Variants in TRAPPC9 observed in about 807,000 individuals in gnomAD.
The protein encoded by TRAPPC9 is IKK2 binding protein.
A neutral mutation model predicts 124.0 loss-of-function variants in TRAPPC9; 83 were observed. The ratio of observed to expected loss-of-function variants is 0.67; its 90% CI spans 0.56 to 0.80. TRAPPC9 has a LOEUF of 0.80. Ranked by LOEUF, TRAPPC9 falls within the 30% of genes least tolerant of loss-of-function variation. The probability of loss-of-function intolerance (pLI) is 0.00; values close to 1 mark genes in which losing one functional copy is unlikely to be tolerated. For synonymous variants in TRAPPC9, 638 were observed against 617.5 expected, an observed-to-expected ratio of 1.03 and a Z score of -0.49; for missense variants, 1,302 against 1,508.3, an observed-to-expected ratio of 0.86 and a Z score of 2.27.
chr8:140,270,695 C>T (rs2064850183), intron 15 of TRAPPC9, among the ~76,000 whole-genome samples: 1 of 152,152 alleles, frequency 6.6e-6, no homozygotes, highest in Non-Finnish European at 1.5e-5. Flanking sequence ...GATAAATGCT[C>T]CGGAGCTGAG....
chr8:139,855,911 G>A (rs1446815529), intron 21 of TRAPPC9, among the ~76,000 whole-genome samples: 2 of 152,204 alleles, frequency 1.3e-5, no homozygotes, highest in Admixed American at 6.5e-5. Flanking sequence ...CAGAACTAGG[G>A]GGCAGTGAGG....
At position 140,165,650 on chromosome 8, in the gene TRAPPC9, G is replaced by A. The variant is rs1400777036; in HGVS notation, c.2556+55809C>T. 4.7e-5 allele frequency among the ~76,000 whole-genome samples: 7 copies of A among 148,058 alleles called. No homozygotes were observed. The Admixed American group carries it at 4.7e-4, about 10-fold the overall frequency. On this transcript the variant is annotated intron_variant, in intron 17 of 22. Coordinates refer to ENST00000438773, the MANE Select transcript of TRAPPC9 (RefSeq NM_001160372.4). ...AAGCAAAGGGGAGGGGGGGATGCGGGGAAGGAGGGAAGGGAAGGGAAGAAC... is the reference window on the plus strand; with the variant it reads ...AAGCAAAGGGGAGGGGGGGATGCGGAGAAGGAGGGAAGGGAAGGGAAGAAC...
rs541165210 is a variant in TRAPPC9 at position 139,789,237 on chromosome 8, G to C, written c.3056-57035C>G. The stretch of plus-strand genomic sequence containing the variant: ...TCGGAAGCACACAGCCAGGTGTCTA[G>C]GGTCCCGGGCCCGCACCAAGCTCTG... On this transcript the variant is annotated intron_variant, in intron 21 of 22. Coordinates refer to ENST00000438773, the MANE Select transcript of TRAPPC9 (RefSeq NM_001160372.4). Among the ~76,000 whole-genome samples, 351 of 152,290 alleles carry C rather than the reference G, an allele frequency of 2.3e-3. 3 individuals are homozygous for C. In the South Asian group the frequency reaches 0.032, roughly 14 times the overall value.
intron 2 of TRAPPC9, among the ~76,000 whole-genome samples, chr8:140,440,722 A>G (rs2070983462): frequency 6.6e-6 from 1 of 152,032 alleles, no homozygotes. Flanking sequence ...ATTCAGTCGT[A>G]GGGAGAGGCA....
intron 6 of TRAPPC9, chr8:140,405,376 A>G (rs2069453128): frequency 3.8e-6 from 2 of 531,938 alleles, no homozygotes; most frequent in East Asian, 6.9e-5. Flanking sequence ...TCTTTTCCAA[A>G]TTTATTATAC....
At chr8:140,078,050 C>T (rs1467309364) in intron 17 of TRAPPC9, among the ~76,000 whole-genome samples, 2 of 152,162 alleles carry the variant, frequency 1.3e-5, no homozygotes, top group Non-Finnish European at 2.9e-5. Flanking sequence ...GGCAAACTGT[C>T]TTCAAAGCAT....
intron 17 of TRAPPC9, among the ~76,000 whole-genome samples, chr8:140,026,050 G>A (rs1840128017): frequency 1.3e-5 from 2 of 152,066 alleles, no homozygotes; most frequent in Non-Finnish European, 2.9e-5. Context: ...GCTACTTTTT[G>A]TCTTCCTGAA....
At chr8:140,429,226 T>G (rs1394043679) in intron 4 of TRAPPC9, among the ~76,000 whole-genome samples, 1 of 151,902 alleles carries the variant, frequency 6.6e-6, no homozygotes, top group East Asian at 1.9e-4. Flanking sequence ...GGACTACAGG[T>G]GCGCACCACC....
intron 17 of TRAPPC9, among the ~76,000 whole-genome samples, chr8:140,030,238 C>T (rs997970578): frequency 3.3e-5 from 5 of 152,132 alleles, no homozygotes; most frequent in African/African-American, 1.2e-4. Flanking sequence ...TAAGATGTAG[C>T]TGTAATAATT....
intron 19 of TRAPPC9, chr8:139,932,563 G>C (rs927840915): frequency 8.8e-6 from 4 of 454,038 alleles, no homozygotes; most frequent in African/African-American, 8.0e-5. Context: ...AGGAGTTCGA[G>C]ACCAGCCTGG....
At chr8:140,453,564 A>C (rs1162648492) in intron 1 of TRAPPC9, among the ~76,000 whole-genome samples, 2 of 83,976 alleles carry the variant, frequency 2.4e-5, no homozygotes, top group African/African-American at 8.8e-5. Context: ...ACATGGATAG[A>C]GAAGTATGAA....
In TRAPPC9 at chr8:139,825,967, G is replaced by A. The variant is rs771961864; in HGVS notation, c.3055+59912C>T. 2.0e-5 allele frequency among the ~76,000 whole-genome samples: 3 copies of A among 152,220 alleles called. No individual in the cohort carries two copies. The highest frequency in any genetic ancestry group is 2.9e-5 in the Non-Finnish European group (2 of 68,044). On this transcript the variant is annotated intron_variant, in intron 21 of 22. Coordinates refer to ENST00000438773, the MANE Select transcript of TRAPPC9 (RefSeq NM_001160372.4). The surrounding 1 kb of genome is among the most constrained non-coding windows in gnomAD (Gnocchi z 4.6). ...CCGTGGAACAGGCCATGATGAGGAT[G>A]TGCAACAGCAGGGGAGCTCCAGGGC...
chr8:139,891,499 C>T (rs144075752), intron 20 of TRAPPC9, among the ~76,000 whole-genome samples: 336 of 152,340 alleles, frequency 2.2e-3, no homozygotes, highest in African/African-American at 7.6e-3. Context: ...TCCTCATGCA[C>T]GTGCTCATCC....
intron 17 of TRAPPC9, among the ~76,000 whole-genome samples, chr8:140,062,780 A>G (rs902154350): frequency 2.0e-5 from 3 of 152,078 alleles, no homozygotes; most frequent in African/African-American, 7.2e-5. Flanking sequence ...GCACTCAGAA[A>G]GCTTCTGAGG....
chr8:140,083,254 T>C (rs1843959091), intron 17 of TRAPPC9, among the ~76,000 whole-genome samples: 1 of 152,172 alleles, frequency 6.6e-6, no homozygotes, highest in Non-Finnish European at 1.5e-5. Context: ...ATCCTAATAA[T>C]ATGACCAGGA....
At chr8:139,928,681 C>T (rs1327458499) in intron 19 of TRAPPC9, among the ~76,000 whole-genome samples, 5 of 151,118 alleles carry the variant, frequency 3.3e-5, no homozygotes, top group Non-Finnish European at 2.9e-5. Flanking sequence ...CTGGAGGTGA[C>T]GCATTCTCCA....
At chr8:140,383,921 G>A (rs993081534) in intron 7 of TRAPPC9, among the ~76,000 whole-genome samples, 59 of 152,164 alleles carry the variant, frequency 3.9e-4, no homozygotes, top group Non-Finnish European at 6.6e-4. Context: ...GAGAAAGGTC[G>A]GGTTACCCTC....
chr8:140,063,519 A>G lies in TRAPPC9; in HGVS notation c.2557-39440T>C, dbSNP rs140635229. 2.6e-5 allele frequency among the ~76,000 whole-genome samples: 4 copies of G among 152,280 alleles called. No individual in the cohort carries two copies. The highest frequency in any genetic ancestry group is 5.9e-5 in the Non-Finnish European group (4 of 68,020). On this transcript the variant is annotated intron_variant, in intron 17 of 22. Transcript: ENST00000438773. The surrounding 1 kb of genome is among the most constrained non-coding windows in gnomAD (Gnocchi z 4.3). ...ACTGTGCCTTATCCAAGCCTATACCATAAGAGGCCCAGGAGAAATGTTTGT... is the reference window on the plus strand; with the variant it reads ...ACTGTGCCTTATCCAAGCCTATACCGTAAGAGGCCCAGGAGAAATGTTTGT...
intron 9 of TRAPPC9, among the ~76,000 whole-genome samples, chr8:140,342,025 G>A (rs908081375): frequency 6.6e-6 from 1 of 152,272 alleles, no homozygotes; most frequent in Non-Finnish European, 1.5e-5. Flanking sequence ...GGACAGGAAA[G>A]AAAGGGCGGA....
Sources: gnomAD v4.1 joint callset for allele counts (sites outside exome capture counted in the v4.1 genomes callset) on GRCh38, gnomAD v4.1.1 for gene constraint, Gnocchi (gnomAD v3.1) non-coding constraint, MANE v1.5 for transcripts, NCBI Gene and HGNC (gene_info 2026-07-23, HGNC 2026-07-21) for gene names.